The following ASIC2 variants were observed in gnomAD, a reference collection of about 807,000 sequenced individuals.
ASIC2 encodes acid sensing ion channel subunit 2.
A neutral mutation model predicts 57.3 loss-of-function variants in ASIC2; 25 were observed. That is an observed-to-expected ratio of 0.44 (90% CI 0.32 to 0.61). The LOEUF (loss-of-function observed/expected upper bound fraction) is 0.61, where lower values mean the gene tolerates loss of function less well. Ranked by LOEUF, ASIC2 falls within the 20% of genes least tolerant of loss-of-function variation. The pLI, the probability that ASIC2 is intolerant of heterozygous loss-of-function variation, is 0.06. For synonymous variants in ASIC2, 319 were observed against 307.5 expected (o/e 1.04, Z -0.39); for missense variants, 641 against 738.1 (o/e 0.87, Z 1.52).
At chr17:33,474,116 C>G (rs1001222761) in intron 1 of ASIC2, among the ~76,000 whole-genome samples, 4 of 152,186 alleles carry the variant, frequency 2.6e-5, no homozygotes, top group Non-Finnish European at 5.9e-5. Flanking sequence ...CCTGTAATCC[C>G]AGCACTTTGG....
chr17:33,232,373 A>T (rs1351347968), intron 1 of ASIC2, among the ~76,000 whole-genome samples: 1 of 151,984 alleles, frequency 6.6e-6, no homozygotes, highest in East Asian at 1.9e-4. Flanking sequence ...TAAGACATCC[A>T]GTCTATGGTA....
At chr17:33,573,612 C>T (rs925173988) in intron 1 of ASIC2, among the ~76,000 whole-genome samples, 7 of 152,184 alleles carry the variant, frequency 4.6e-5, no homozygotes, top group Non-Finnish European at 7.3e-5. Flanking sequence ...GTCACCCAGC[C>T]TGGAGAGCAG....
intron 1 of ASIC2, among the ~76,000 whole-genome samples, chr17:33,808,170 C>T (rs775924129): frequency 1.2e-4 from 18 of 152,190 alleles, no homozygotes; most frequent in Non-Finnish European, 2.2e-4. Context: ...TACTTTTAGG[C>T]GCGTGATCCA....
intron 1 of ASIC2, among the ~76,000 whole-genome samples, chr17:33,746,374 A>G (rs1001187537): frequency 2.0e-4 from 30 of 148,674 alleles, no homozygotes; most frequent in African/African-American, 6.6e-4. Context: ...GTAGATATAC[A>G]TGTATATCTA....
At chr17:34,105,111 T>G (rs920589431) in intron 1 of ASIC2, among the ~76,000 whole-genome samples, 1 of 152,080 alleles carries the variant, frequency 6.6e-6, no homozygotes, top group Non-Finnish European at 1.5e-5. Flanking sequence ...AAATTCAATT[T>G]TTTTCATGGG....
chr17:33,855,990 G>A (rs539674059), intron 1 of ASIC2, among the ~76,000 whole-genome samples: 1 of 152,252 alleles, frequency 6.6e-6, no homozygotes, highest in East Asian at 1.9e-4. Flanking sequence ...AATTTAAAAG[G>A]AGAAAAGAAA....
chr17:33,220,141 A>G (rs1907636855), intron 1 of ASIC2, among the ~76,000 whole-genome samples: 1 of 152,158 alleles, frequency 6.6e-6, no homozygotes, highest in African/African-American at 2.4e-5. Flanking sequence ...CCCTAGTTTA[A>G]CTCTAGAATA....
At chr17:33,362,344 G>T (rs1908643532) in intron 1 of ASIC2, among the ~76,000 whole-genome samples, 1 of 152,198 alleles carries the variant, frequency 6.6e-6, no homozygotes, top group Non-Finnish European at 1.5e-5. Flanking sequence ...GGTGGAGGGT[G>T]GTGCAGCTCT....
chr17:33,197,908 G>T (rs1422568578), intron 1 of ASIC2, among the ~76,000 whole-genome samples: 1 of 152,164 alleles, frequency 6.6e-6, no homozygotes, highest in African/African-American at 2.4e-5. Context: ...TTCAAAACTT[G>T]CAAATATTTA....
chr17:33,943,692 TAAAAAAAAAAA>T (rs3071252), intron 1 of ASIC2, among the ~76,000 whole-genome samples: 1 of 119,828 alleles, frequency 8.3e-6, no homozygotes, highest in African/African-American at 3.1e-5. Context: ...ATGATAATAG[TAAAAAAAAAAA>T]AAAAAAAAAT....
intron 1 of ASIC2, among the ~76,000 whole-genome samples, chr17:33,908,140 C>A (rs757196298): frequency 1.3e-5 from 2 of 152,162 alleles, no homozygotes; most frequent in Non-Finnish European, 2.9e-5. Context: ...CCTGGAACCC[C>A]CTTTGAGAAA....
intron 1 of ASIC2, among the ~76,000 whole-genome samples, chr17:33,699,066 A>T (rs1046554271): frequency 4.6e-5 from 7 of 152,224 alleles, no homozygotes; most frequent in Admixed American, 1.3e-4. Flanking sequence ...AATGAAACTC[A>T]TAAATGTATT....
chr17:33,030,023 C>G (rs1390288072), intron 3 of ASIC2, among the ~76,000 whole-genome samples: 4 of 152,088 alleles, frequency 2.6e-5, no homozygotes, highest in African/African-American at 9.7e-5. Flanking sequence ...GATTCAAGTC[C>G]TTTGTCAGAC....
chr17:33,147,049 C>T (rs1338241022), intron 1 of ASIC2, among the ~76,000 whole-genome samples: 3 of 152,178 alleles, frequency 2.0e-5, no homozygotes, highest in Non-Finnish European at 4.4e-5. Context: ...AATGTGCTTG[C>T]TTATTTTTAT....
chr17:33,093,664 T>G (rs542400974), intron 2 of ASIC2, among the ~76,000 whole-genome samples: 1 of 152,178 alleles, frequency 6.6e-6, no homozygotes, highest in East Asian at 1.9e-4. Flanking sequence ...CAAGGTGAGA[T>G]CTACCTGGCC....
intron 1 of ASIC2, among the ~76,000 whole-genome samples, chr17:33,818,457 A>G (rs537008684): frequency 1.3e-5 from 2 of 152,282 alleles, no homozygotes; most frequent in Non-Finnish European, 2.9e-5. Context: ...GTCATACAAT[A>G]GTGAGTTACA....
At chr17:33,871,595 G>A (rs939879769) in intron 1 of ASIC2, among the ~76,000 whole-genome samples, 1 of 152,114 alleles carries the variant, frequency 6.6e-6, no homozygotes, top group African/African-American at 2.4e-5. Flanking sequence ...CTGGAGAGAG[G>A]ACCCTCCCAC....
At chr17:33,622,394 GAC>G (rs540445865) in intron 1 of ASIC2, among the ~76,000 whole-genome samples, 5 of 151,786 alleles carry the variant, frequency 3.3e-5, no homozygotes, top group African/African-American at 4.8e-5. Context: ...TTTAAAAAAA[GAC>G]ACACACACAC....
At chr17:34,129,378 T>G (rs554640342) in intron 1 of ASIC2, among the ~76,000 whole-genome samples, 96 of 152,300 alleles carry the variant, frequency 6.3e-4, no homozygotes, top group African/African-American at 2.2e-3. Context: ...TTTCTTTTCC[T>G]GTAAAATGTA....
Sources: gnomAD v4.1 joint callset for allele counts (sites outside exome capture counted in the v4.1 genomes callset) on GRCh38, gnomAD v4.1.1 for gene constraint, MANE v1.5 for transcripts, NCBI Gene and HGNC (gene_info 2026-07-23, HGNC 2026-07-21) for gene names.